The following DHX37 variants were observed in gnomAD, a reference collection of about 807,000 sequenced individuals.
The protein encoded by DHX37 is probable ATP-dependent RNA helicase DHX37.
Under a neutral mutation model 134.3 loss-of-function variants are expected in DHX37, and 52 were observed. That is an observed-to-expected ratio of 0.39 (90% CI 0.31 to 0.49). The LOEUF (loss-of-function observed/expected upper bound fraction) is 0.49. Among genes scored for constraint, DHX37 ranks in the 20% least tolerant of loss-of-function variants. DHX37 has a pLI of 0.93. For missense variants in DHX37, 1,344 were observed against 1,580.8 expected (o/e 0.85, Z 2.54); for synonymous variants, 634 against 670.7 (o/e 0.95, Z 0.85).
At chr12:124,984,942 C>G (rs1954835568) in intron 2 of DHX37, among the ~76,000 whole-genome samples, 1 of 152,108 alleles carries the variant, frequency 6.6e-6, no homozygotes, top group African/African-American at 2.4e-5. Flanking sequence ...TGAGCGCGAC[C>G]TAAATCCAAT....
At position 124,950,517 on chromosome 12, in the gene DHX37, G is replaced by A; in HGVS notation, c.3017C>T (p.Ala1006Val). 1 of 1,565,928 alleles carries A rather than the reference G, an allele frequency of 6.4e-7. No homozygotes were observed. Among genetic ancestry groups the A allele is most frequent in the Non-Finnish European group, 8.6e-7 (1 of 1,156,088 alleles). Residue 1006 changes from alanine (A) to valine (V), a missense_variant, in exon 23 of 27, where the codon GCC (alanine) becomes GTC (valine). Coordinates refer to ENST00000308736, the MANE Select transcript of DHX37 (RefSeq NM_032656.4). ...VSSVEVQWIP[A>V]LLPSYCQFDK... ...AAACTGGCAGTAAGAGGGCAGCAGG[G>A]CCGGGATCCACTGGACCTCCACGCT...
chr12:124,960,590 A>G (rs1461387678), intron 15 of DHX37, among the ~76,000 whole-genome samples, 167 bp from the exon 16 acceptor site: 2 of 152,152 alleles, frequency 1.3e-5, no homozygotes, highest in East Asian at 3.8e-4. Flanking sequence ...TTCCTGCCTC[A>G]TTCTCCTCAC....
At chr12:124,965,086 C>A (rs1486204211) in intron 13 of DHX37, 80 bp from the exon 14 acceptor site, 22 of 1,448,848 alleles carry the variant, frequency 1.5e-5, no homozygotes, top group South Asian at 2.5e-5. Flanking sequence ...CGGCCCTGCA[C>A]CCCCAGGCTG....
At chr12:124,970,713 C>T (rs1056394700) in intron 8 of DHX37, among the ~76,000 whole-genome samples, 9 of 152,224 alleles carry the variant, frequency 5.9e-5, no homozygotes, top group African/African-American at 1.9e-4. Context: ...AACAAGACAG[C>T]GTCTTGTTCA....
chr12:124,954,446 T>C (rs1427434922), intron 18 of DHX37, among the ~76,000 whole-genome samples: 1 of 152,056 alleles, frequency 6.6e-6, no homozygotes, highest in African/African-American at 2.4e-5. Context: ...CCCAGTGCAG[T>C]GGTGTGGTGT....
intron 13 of DHX37, 118 bp downstream of exon 13, chr12:124,965,550 G>C (rs554105802): frequency 7.0e-7 from 1 of 1,424,772 alleles, no homozygotes; most frequent in South Asian, 1.7e-5. Context: ...CAAGAACTCA[G>C]GAAGCATCGG....
chr12:124,977,449 T>C lies in DHX37; in HGVS notation c.780A>G (p.Val260=). Residue 260 remains valine (V), a synonymous_variant, in exon 5 of 27, where the codon GTA becomes GTG. Coordinates refer to ENST00000308736, the MANE Select transcript of DHX37 (RefSeq NM_032656.4). ...GGTGCTCGGCCACAGCCTCCATGAT[T>C]ACTTGTTCTTCGGAGAGAATTGGGA... ...LKLPILSEEQ[V]IMEAVAEHPI... is the part of the protein sequence containing the mutation. 2 of 1,611,424 alleles carry C rather than the reference T, an allele frequency of 1.2e-6. No individual in the cohort carries two copies. The highest frequency in any genetic ancestry group is 8.5e-7 in the Non-Finnish European group (1 of 1,179,174).
chr12:124,973,638 CTTTTTTTTTTT>C (rs71092252), intron 6 of DHX37, among the ~76,000 whole-genome samples: 2 of 102,874 alleles, frequency 1.9e-5, no homozygotes, highest in African/African-American at 7.6e-5. Context: ...CCCCCCAACG[CTTTTTTTTTTT>C]TTTTTTTTTG....
In DHX37 at chr12:124,953,922, T is replaced by C. The variant is rs760900691; in HGVS notation, c.2653A>G (p.Met885Val). 4.6e-5 allele frequency: 74 copies of C among 1,612,922 alleles called. No homozygotes were observed. In the Middle Eastern group the frequency reaches 5.0e-4, roughly 11 times the overall value. The change falls in exon 20 of 27, where the codon ATG becomes GTG. Residue 885 changes from methionine (M) to valine (V), a missense_variant. By Grantham distance (21) the Met-to-Val change is conservative. Coordinates refer to ENST00000308736, the MANE Select transcript of DHX37 (RefSeq NM_032656.4). ...CCCCGCAGGCGCCGGATCTCCATCA[T>C]GGCTTTGTACCGCAGCCCGTTGGCT... ...CEANGLRYKA[M>V]MEIRRLRGQL...
intron 6 of DHX37, among the ~76,000 whole-genome samples, chr12:124,973,006 G>A (rs1246162492): frequency 6.6e-6 from 1 of 152,230 alleles, no homozygotes; most frequent in Non-Finnish European, 1.5e-5. Flanking sequence ...ATCTGGTGTG[G>A]TGGTGTGCAC....
In DHX37 at chr12:124,972,697, T is replaced by G. The variant is rs533875369; in HGVS notation, c.981-98A>C. On this transcript the variant is annotated intron_variant, in intron 6 of 26. Transcript: ENST00000308736. ...CAGGCCGTGGAGCAGGCAGGCGGCTTGAGGGCAGGGCCCGCTGGCAACCTG... is the reference window on the plus strand; with the variant it reads ...CAGGCCGTGGAGCAGGCAGGCGGCTGGAGGGCAGGGCCCGCTGGCAACCTG... 1.6e-5 allele frequency: 19 copies of G among 1,221,388 alleles called. No individual in the cohort carries two copies. The East Asian group carries it at 1.6e-4, about 10-fold the overall frequency. 75.7% of individuals were successfully genotyped at this position (1,221,388 alleles called of 1,614,324 possible). A position where few individuals can be genotyped will look rare whatever the true frequency, so the allele number is the denominator to read the frequency against.
chr12:124,948,522 G>A, intron 25 of DHX37: 1 of 344,226 alleles, frequency 2.9e-6, no homozygotes, highest in Non-Finnish European at 5.5e-6. Flanking sequence ...TGAGGCAGGT[G>A]GATCACCTGA....
chr12:124,968,684 G>C (rs745705191), intron 9 of DHX37, 36 bp from the exon 10 acceptor site: 8 of 1,613,334 alleles, frequency 5.0e-6, no homozygotes, highest in Middle Eastern at 1.6e-4. Context: ...GGAGTGGGGG[G>C]GACACGAGCT....
chr12:124,966,247 T>C (rs539764353), intron 12 of DHX37, among the ~76,000 whole-genome samples: 41 of 152,280 alleles, frequency 2.7e-4, no homozygotes, highest in Non-Finnish European at 2.8e-4. Context: ...TTTGTATTTT[T>C]AGTAGAGACA....
At chr12:124,978,304 C>A (rs1008760218) in intron 4 of DHX37, among the ~76,000 whole-genome samples, 3 of 151,584 alleles carry the variant, frequency 2.0e-5, no homozygotes, top group Non-Finnish European at 2.9e-5. Flanking sequence ...CTATTCTATT[C>A]TATTCCACTT....
At chr12:124,948,057 C>T in intron 26 of DHX37, 27 bp downstream of exon 26, 1 of 1,614,228 alleles carries the variant, frequency 6.2e-7, no homozygotes, top group Non-Finnish European at 8.5e-7. Context: ...CTGTCTACTC[C>T]CACCCCCTGG....
intron 2 of DHX37, among the ~76,000 whole-genome samples, chr12:124,985,021 C>T (rs1001754492): frequency 2.6e-5 from 4 of 152,086 alleles, no homozygotes; most frequent in Admixed American, 6.6e-5. Context: ...ATTGGAGTGA[C>T]GCAGCCACAA....
At position 124,982,545 on chromosome 12, in the gene DHX37, G is replaced by T; in HGVS notation, c.355C>A (p.Leu119Ile). Residue 119 changes from leucine (L) to isoleucine (I), a missense_variant, in exon 3 of 27, where the codon CTA (leucine) becomes ATA (isoleucine). Around this residue, in one of 7 missense-constraint regions of DHX37, gnomAD observed 319 missense variants for 296.1 expected, o/e 1.08. Transcript: ENST00000308736. ...TGATACATGCGGTTCCCAGTGCCTA[G>T]CTTGGAAGTGGTATAAAAGAGTCTC... Reference protein sequence around the residue: ...EMRLFYTTSKLGTGNRMYHTK... With the variant: ...EMRLFYTTSKIGTGNRMYHTK... 6.2e-7 allele frequency: 1 copy of T among 1,613,818 alleles called. No homozygotes were observed. Among genetic ancestry groups the T allele is most frequent in the Non-Finnish European group, 8.5e-7 (1 of 1,179,848 alleles).
intron 10 of DHX37, 103 bp downstream of exon 10, chr12:124,968,430 AG>A: frequency 6.5e-7 from 1 of 1,545,518 alleles, no homozygotes; most frequent in East Asian, 2.3e-5. Context: ...GGCAGGGTCA[AG>A]GGACTTTTCT....
Sources: allele counts gnomAD v4.1 joint callset (sites outside exome capture counted in the v4.1 genomes callset), GRCh38; gene constraint gnomAD v4.1.1; regional missense constraint gnomAD v4.1.1; transcripts MANE v1.5; gene names NCBI Gene and HGNC (gene_info 2026-07-23, HGNC 2026-07-21).